The following LYPLA1 variants were observed in gnomAD, a reference collection of about 807,000 sequenced individuals.
LYPLA1 encodes the protein acyl-protein thioesterase 1.
Under a neutral mutation model 34.0 loss-of-function variants are expected in LYPLA1, and 17 were observed. That is an observed-to-expected ratio of 0.50 (90% CI 0.34 to 0.75). The LOEUF (loss-of-function observed/expected upper bound fraction) is 0.75, where lower values mean the gene tolerates loss of function less well. Among genes scored for constraint, LYPLA1 ranks in the 30% least tolerant of loss-of-function variants. LYPLA1 has a pLI of 0.01. For synonymous variants in LYPLA1, 98 were observed against 100.8 expected, an observed-to-expected ratio of 0.97 and a Z score of 0.17; for missense variants, 203 against 288.8, an observed-to-expected ratio of 0.70 and a Z score of 2.15.
intron 2 of LYPLA1, among the ~76,000 whole-genome samples, chr8:54,085,594 C>T (rs1234585061): frequency 1.4e-4 from 21 of 151,706 alleles, no homozygotes; most frequent in East Asian, 3.9e-4. Context: ...CCTGCCGCCC[C>T]GTCTGGGATG....
rs935960930 is a variant in LYPLA1, at chr8:54,073,087, C to T, written c.102-7274G>A. 4 of 616,158 alleles carry T rather than the reference C, an allele frequency of 6.5e-6. No homozygotes were observed. The Admixed American group carries it at 9.3e-5, about 14-fold the overall frequency. 38.2% of individuals were successfully genotyped at this position (616,158 alleles called of 1,614,324 possible). ...CTATCATCAAAAAGTCAAAAAAGGTCGTTAAGGGTTGGGCCATCAGGAACT... is the reference window on the plus strand; with the variant it reads ...CTATCATCAAAAAGTCAAAAAAGGTTGTTAAGGGTTGGGCCATCAGGAACT... On this transcript the variant is annotated intron_variant, in intron 2 of 8. Transcript: ENST00000316963.
At chr8:54,090,153 C>A (rs540638644) in intron 2 of LYPLA1, among the ~76,000 whole-genome samples, 55 of 152,302 alleles carry the variant, frequency 3.6e-4, no homozygotes, top group Non-Finnish European at 6.3e-4. Context: ...TATAAACGGA[C>A]GCATTGGGGG....
At chr8:54,053,094 A>AC (rs1369162269) in intron 6 of LYPLA1, 1 of 201,448 alleles carries the variant, frequency 5.0e-6, no homozygotes, top group Non-Finnish European at 9.8e-6. Flanking sequence ...AATTGGTATT[A>AC]CTTTTTTTTT....
chr8:54,049,199 G>A (rs532956948), intron 8 of LYPLA1, among the ~76,000 whole-genome samples: 3 of 152,360 alleles, frequency 2.0e-5, no homozygotes, highest in African/African-American at 7.2e-5. Flanking sequence ...CCCAGGCTGA[G>A]TGGTTGTAAA....
chr8:54,076,204 A>G (rs946695438), intron 2 of LYPLA1, among the ~76,000 whole-genome samples: 2 of 152,024 alleles, frequency 1.3e-5, no homozygotes, highest in African/African-American at 4.8e-5. Context: ...CTAGAAGGAC[A>G]CCCTACAAAC....
intron 2 of LYPLA1, chr8:54,073,547 T>A: frequency 1.6e-6 from 1 of 643,726 alleles, no homozygotes; most frequent in Non-Finnish European, 2.9e-6. Context: ...GGCATCTGCT[T>A]TTCTATACAA....
Position 54,065,824 on chromosome 8 carries a change from A to C in LYPLA1, c.102-11T>G. The C allele has an allele frequency of 6.2e-7, 1 of 1,600,022 alleles. No individual in the cohort carries two copies. The highest frequency in any genetic ancestry group is 8.6e-7 in the Non-Finnish European group (1 of 1,167,250). On this transcript the variant is annotated splice_polypyrimidine_tract_variant and intron_variant, in intron 2 of 8. Transcript: ENST00000316963. ...TCTGCCCATCCGTGCCTGGTGGAAAAATCATTGAATAATGCTATTAGACAC... is the reference window on the plus strand; with the variant it reads ...TCTGCCCATCCGTGCCTGGTGGAAACATCATTGAATAATGCTATTAGACAC...
At chr8:54,056,354 T>A (rs369074905) in intron 5 of LYPLA1, among the ~76,000 whole-genome samples, 1 of 152,030 alleles carries the variant, frequency 6.6e-6, no homozygotes, top group African/African-American at 2.4e-5. Context: ...CGAGAAAAAA[T>A]TGGGGAAAAT....
At chr8:54,067,004 A>G (rs1055508701) in intron 2 of LYPLA1, among the ~76,000 whole-genome samples, 2 of 151,728 alleles carry the variant, frequency 1.3e-5, no homozygotes, top group Admixed American at 1.3e-4. Context: ...CCCTGTCTCT[A>G]CTAAAAATAC....
At chr8:54,062,937 G>A (rs1435436305) in intron 4 of LYPLA1, among the ~76,000 whole-genome samples, 1 of 152,166 alleles carries the variant, frequency 6.6e-6, no homozygotes, top group Non-Finnish European at 1.5e-5. Flanking sequence ...AAGTGCAGAG[G>A]GAATGTGAGG....
At chr8:54,091,625 G>GA (rs1809290235) in intron 2 of LYPLA1, among the ~76,000 whole-genome samples, 1 of 146,978 alleles carries the variant, frequency 6.8e-6, no homozygotes. Flanking sequence ...AGGAAGGAAG[G>GA]AGAAATACTA....
At chr8:54,062,001 G>T (rs972199433) in intron 5 of LYPLA1, among the ~76,000 whole-genome samples, 2 of 151,936 alleles carry the variant, frequency 1.3e-5, no homozygotes, top group East Asian at 1.9e-4. Flanking sequence ...GATTACAGGC[G>T]CCCACCACCA....
chr8:54,052,902 A>G, intron 6 of LYPLA1, 146 bp from the exon 7 acceptor site: 1 of 601,670 alleles, frequency 1.7e-6, no homozygotes, highest in Admixed American at 2.6e-5. Context: ...GGAAATACAA[A>G]CACACCCCAC....
At chr8:54,050,011 T>G (rs543069508) in intron 8 of LYPLA1, among the ~76,000 whole-genome samples, 1 of 152,320 alleles carries the variant, frequency 6.6e-6, no homozygotes, top group Non-Finnish European at 1.5e-5. Context: ...ACTCCTTTTC[T>G]CATTAGGCTA....
intron 2 of LYPLA1, among the ~76,000 whole-genome samples, chr8:54,075,542 C>A (rs186210165): frequency 1.3e-5 from 2 of 152,206 alleles, no homozygotes; most frequent in South Asian, 4.1e-4. Context: ...CTGTCACAGA[C>A]GGCAGAAGAA....
intron 2 of LYPLA1, among the ~76,000 whole-genome samples, chr8:54,092,868 C>T (rs1379158880): frequency 6.6e-6 from 1 of 152,158 alleles, no homozygotes; most frequent in Non-Finnish European, 1.5e-5. Context: ...TGGTGGCACG[C>T]ACACATATTA....
intron 4 of LYPLA1, among the ~76,000 whole-genome samples, chr8:54,062,998 C>T (rs780921197): frequency 6.6e-6 from 1 of 152,110 alleles, no homozygotes; most frequent in Non-Finnish European, 1.5e-5. Flanking sequence ...ACAACCCAGA[C>T]AGGCAAGAAA....
rs565809813 is a variant in LYPLA1, at chr8:54,099,125, G to GT, written c.101+1782dup. On this transcript the variant is annotated intron_variant, in intron 2 of 8. Coordinates refer to ENST00000316963, the MANE Select transcript of LYPLA1 (RefSeq NM_006330.4). ...GTCTGTGGAATCTGCCTAGACTGAA[G>GT]TTTTTTTTTTTTTGCTTGAACTAAT... Among the ~76,000 whole-genome samples, 573 of 145,360 alleles carry GT rather than the reference G, an allele frequency of 3.9e-3. 2 individuals carry two copies. Among genetic ancestry groups the GT allele is most frequent in the Middle Eastern group, 7.4e-3 (2 of 272 alleles).
At chr8:54,083,274 A>G (rs1046356805) in intron 2 of LYPLA1, among the ~76,000 whole-genome samples, 13 of 152,194 alleles carry the variant, frequency 8.5e-5, no homozygotes, top group African/African-American at 2.9e-4. Flanking sequence ...CAGGTAGCCC[A>G]TAAGAACCCA....
Sources: allele counts gnomAD v4.1 joint callset (sites outside exome capture counted in the v4.1 genomes callset), GRCh38; gene constraint gnomAD v4.1.1; transcripts MANE v1.5; gene names NCBI Gene and HGNC (gene_info 2026-07-23, HGNC 2026-07-21).